DRG1: variants seen among roughly 807,000 people sequenced by gnomAD.
DRG1 encodes developmentally-regulated GTP-binding protein 1.
In DRG1, 19 loss-of-function variants were observed where a neutral mutation model predicts 38.8. The ratio of observed to expected loss-of-function variants is 0.49; its 90% CI spans 0.34 to 0.72. The LOEUF (loss-of-function observed/expected upper bound fraction) is 0.72, where lower values mean the gene tolerates loss of function less well. DRG1 is among the 30% of genes least tolerant of loss of function. DRG1 has a pLI of 0.01. For missense variants in DRG1, 299 were observed against 444.8 expected (o/e 0.67, Z 2.95); for synonymous variants, 167 against 157.5 (o/e 1.06, Z -0.45).
chr22:31,402,292 A>C (rs535833250), intron 2 of DRG1, among the ~76,000 whole-genome samples: 2 of 152,188 alleles, frequency 1.3e-5, no homozygotes, highest in East Asian at 3.9e-4. Context: ...CATTGTAAAA[A>C]GAAAAAAGAA....
chr22:31,400,554 T>C, intron 1 of DRG1, 66 bp from the exon 2 acceptor site: 1 of 1,582,344 alleles, frequency 6.3e-7, no homozygotes, highest in Middle Eastern at 1.7e-4. Context: ...GGAAAAAAAT[T>C]ATCCTCTCAA....
In DRG1 at chr22:31,399,696, T is replaced by G; in HGVS notation, c.13T>G (p.Leu5Val). The G allele has an allele frequency of 1.9e-6, 3 of 1,614,034 alleles. No homozygotes were observed. The highest frequency in any genetic ancestry group is 2.5e-6 in the Non-Finnish European group (3 of 1,179,894). Reference sequence around the variant, plus strand: ...GGTACTCGCCACGATGAGCAGCACCTTAGCTAAGATCGCGGAGATAGAAGC... The same window carrying G: ...GGTACTCGCCACGATGAGCAGCACCGTAGCTAAGATCGCGGAGATAGAAGC... MSST[L>V]AKIAEIEAEM... Residue 5 changes from leucine (L) to valine (V), a missense_variant, in exon 1 of 9, where the codon TTA becomes GTA. Physicochemically the swap from Leu to Val is conservative, Grantham distance 32. Transcript: ENST00000331457.
At chr22:31,429,954 A>G (rs560489154) in intron 8 of DRG1, among the ~76,000 whole-genome samples, 15 of 151,988 alleles carry the variant, frequency 9.9e-5, no homozygotes, top group African/African-American at 3.6e-4. Context: ...TATTGTAGAG[A>G]TGGGGTCTTG....
intron 1 of DRG1, among the ~76,000 whole-genome samples, chr22:31,400,012 A>G (rs2049952092): frequency 1.3e-5 from 2 of 149,970 alleles, no homozygotes; most frequent in East Asian, 2.0e-4. Flanking sequence ...TCCCCCTCCC[A>G]GTGTTTGGCT....
In DRG1 at chr22:31,399,666, C is replaced by T. The variant is rs764142771; in HGVS notation, c.-18C>T. On this transcript the variant is annotated 5_prime_UTR_variant, in exon 1 of 9. Transcript: ENST00000331457. ...GTGTGAAGGGAGACAGTGTGGAGGC[C>T]ACAGGGTACTCGCCACGATGAGCAG... The T allele has an allele frequency of 4.3e-6, 7 of 1,614,022 alleles. No individual in the cohort carries two copies. Among genetic ancestry groups the T allele is most frequent in the Non-Finnish European group, 3.4e-6 (4 of 1,179,902 alleles).
chr22:31,431,960 C>T (rs2050141552), intron 8 of DRG1, among the ~76,000 whole-genome samples: 3 of 151,548 alleles, frequency 2.0e-5, no homozygotes, highest in Non-Finnish European at 1.5e-5. Flanking sequence ...TTAAATTTAC[C>T]AGGGAATTAA....
intron 6 of DRG1, among the ~76,000 whole-genome samples, chr22:31,423,767 T>C (rs1157915119): frequency 1.3e-5 from 2 of 151,902 alleles, no homozygotes; most frequent in African/African-American, 4.8e-5. Context: ...CCTCAAGTGA[T>C]CCGTCTGCCT....
At chr22:31,419,020 G>A (rs2050060524) in intron 4 of DRG1, among the ~76,000 whole-genome samples, 1 of 152,070 alleles carries the variant, frequency 6.6e-6, no homozygotes, top group Admixed American at 6.6e-5. Flanking sequence ...TCACCATGTT[G>A]ACCAGGCTGG....
Position 31,433,931 on chromosome 22 carries a change from C to A in DRG1, c.1064C>A (p.Thr355Lys). The change falls in exon 9 of 9, where the codon ACG becomes AAG. Residue 355 changes from threonine to lysine, a missense_variant. Coordinates refer to ENST00000331457, the MANE Select transcript of DRG1 (RefSeq NM_004147.4). ...CCTCAGAAAGTGGGTAAAGACCATA[C>A]GTTGGAGGATGAGGATGTCATTCAA... ...HNPQKVGKDH[T>K]LEDEDVIQIV... 1.2e-6 allele frequency: 2 copies of A among 1,614,056 alleles called. No individual in the cohort carries two copies. Among genetic ancestry groups the A allele is most frequent in the Non-Finnish European group, 1.7e-6 (2 of 1,179,936 alleles).
intron 2 of DRG1, among the ~76,000 whole-genome samples, chr22:31,402,353 A>G (rs993483571): frequency 6.6e-6 from 1 of 152,082 alleles, no homozygotes; most frequent in African/African-American, 2.4e-5. Flanking sequence ...AAAGACAAAA[A>G]AACAAAAACA....
At chr22:31,399,816 G>A (rs2049950815) in intron 1 of DRG1, 91 bp downstream of exon 1, 15 of 1,594,656 alleles carry the variant, frequency 9.4e-6, no homozygotes, top group Non-Finnish European at 1.3e-5. Context: ...GCCGCGTCAG[G>A]ACCGGGCCTA....
chr22:31,402,920 T>G, intron 2 of DRG1, 109 bp from the exon 3 acceptor site: 3 of 1,269,918 alleles, frequency 2.4e-6, no homozygotes, highest in Non-Finnish European at 2.2e-6. Flanking sequence ...ATAAAAAGTT[T>G]GAGAAATAGT....
intron 2 of DRG1, among the ~76,000 whole-genome samples, chr22:31,402,355 AC>A (rs777394830): frequency 2.1e-4 from 32 of 152,248 alleles, no homozygotes; most frequent in Admixed American, 3.9e-4. Flanking sequence ...AGACAAAAAA[AC>A]AAAAACAAAA....
intron 1 of DRG1, 116 bp from the exon 2 acceptor site, chr22:31,400,504 A>G: frequency 7.4e-7 from 1 of 1,353,910 alleles, no homozygotes; most frequent in South Asian, 1.3e-5. Context: ...TACTCTTTTA[A>G]AGCCTGTAAA....
intron 3 of DRG1, among the ~76,000 whole-genome samples, chr22:31,407,846 C>T (rs1233603519): frequency 6.6e-6 from 1 of 151,512 alleles, no homozygotes; most frequent in Non-Finnish European, 1.5e-5. Flanking sequence ...TTTGGTCAGG[C>T]GTGGTGGTTC....
At chr22:31,407,685 CTTT>C (rs71319190) in intron 3 of DRG1, among the ~76,000 whole-genome samples, 1 of 137,218 alleles carries the variant, frequency 7.3e-6, no homozygotes, top group Non-Finnish European at 1.6e-5. Flanking sequence ...TTTCATTTTT[CTTT>C]TTTTTTTTTT....
At chr22:31,413,342 C>T (rs1416800030) in intron 4 of DRG1, among the ~76,000 whole-genome samples, 2 of 151,824 alleles carry the variant, frequency 1.3e-5, no homozygotes, top group Non-Finnish European at 2.9e-5. Flanking sequence ...GATCCTCCTG[C>T]CTTGACCTCC....
chr22:31,425,750 T>TA (rs1189415119), intron 6 of DRG1, among the ~76,000 whole-genome samples: 2 of 152,072 alleles, frequency 1.3e-5, no homozygotes, highest in Admixed American at 6.5e-5. Flanking sequence ...CCATTAATAT[T>TA]ACTGAGACTT....
At chr22:31,413,609 G>GTTTTTTTTTTTTTTTTTTTTT (rs35654476) in intron 4 of DRG1, among the ~76,000 whole-genome samples, 1 of 60,464 alleles carries the variant, frequency 1.7e-5, no homozygotes, top group Admixed American at 2.5e-4. Flanking sequence ...CCTATTGTGG[G>GTTTTTTTTTTTTTTTTTTTTT]TTTTTTTTTT....
Sources: gnomAD v4.1 joint callset for allele counts (sites outside exome capture counted in the v4.1 genomes callset) on GRCh38, gnomAD v4.1.1 for gene constraint, MANE v1.5 for transcripts, NCBI Gene and HGNC (gene_info 2026-07-23, HGNC 2026-07-21) for gene names.